Variants in SOX5 observed in about 807,000 individuals in gnomAD.
SOX5 encodes transcription factor SOX-5.
SOX5 carries 9 observed loss-of-function variants against 92.0 expected under a neutral mutation model. The observed-to-expected ratio is 0.10, with a 90% CI of 0.06 to 0.17. SOX5 has a LOEUF of 0.17. Ranked by LOEUF, SOX5 falls within the 10% of genes least tolerant of loss-of-function variation. The pLI is 1.00. For missense variants in SOX5, 642 were observed against 944.5 expected (o/e 0.68, Z 4.20); for synonymous variants, 344 against 336.3 (o/e 1.02, Z -0.25).
At chr12:24,469,408 G>A (rs1419006102) in intron 1 of SOX5, among the ~76,000 whole-genome samples, 2 of 152,104 alleles carry the variant, frequency 1.3e-5, no homozygotes, top group African/African-American at 4.8e-5. Context: ...CTTGGTTCCT[G>A]ATTCATATTT....
intron 1 of SOX5, among the ~76,000 whole-genome samples, chr12:24,548,604 G>T (rs529332718): frequency 2.6e-4 from 39 of 152,272 alleles, no homozygotes; most frequent in Non-Finnish European, 4.6e-4. Flanking sequence ...GTGAAACATG[G>T]AAACACTGGG....
At chr12:23,899,519 G>T (rs760158721) in intron 1 of SOX5, among the ~76,000 whole-genome samples, 85 of 152,232 alleles carry the variant, frequency 5.6e-4, no homozygotes, top group Admixed American at 9.2e-4. Flanking sequence ...GAGCATCTAG[G>T]CTGGCGTATG....
At chr12:24,530,908 T>C (rs1166404449) in intron 1 of SOX5, among the ~76,000 whole-genome samples, 1 of 151,648 alleles carries the variant, frequency 6.6e-6, no homozygotes, top group Admixed American at 6.6e-5. Context: ...GACACAGTGA[T>C]AGCTGAGATC....
intron 2 of SOX5, among the ~76,000 whole-genome samples, chr12:23,856,364 T>C (rs549228310): frequency 6.6e-6 from 1 of 152,306 alleles, no homozygotes; most frequent in East Asian, 1.9e-4. Flanking sequence ...ACACAAAATC[T>C]GTTTATTCAC....
intron 4 of SOX5, among the ~76,000 whole-genome samples, chr12:24,001,717 T>C (rs1157752590): frequency 6.6e-6 from 1 of 152,172 alleles, no homozygotes; most frequent in Non-Finnish European, 1.5e-5. Flanking sequence ...TATTTGTGTA[T>C]TTGTGTGTTT....
intron 1 of SOX5, among the ~76,000 whole-genome samples, chr12:24,489,885 G>T (rs549156241): frequency 6.4e-4 from 97 of 152,284 alleles, no homozygotes; most frequent in Middle Eastern, 3.4e-3. Flanking sequence ...CTAACTACAC[G>T]TTGGGATTCC....
At chr12:24,091,235 C>T (rs150501568) in intron 4 of SOX5, among the ~76,000 whole-genome samples, 24 of 151,996 alleles carry the variant, frequency 1.6e-4, no homozygotes, top group East Asian at 7.8e-4. Flanking sequence ...AAGCTGAACA[C>T]GCAATAAAGG....
At chr12:24,022,019 TACTATGTGTCGGGC>T (rs1431561695) in intron 4 of SOX5, among the ~76,000 whole-genome samples, 2 of 152,198 alleles carry the variant, frequency 1.3e-5, no homozygotes, top group Non-Finnish European at 2.9e-5. Context: ...ATTGAGTGCC[TACTATGTGTCGGGC>T]ACTATGCTAG....
intron 1 of SOX5, among the ~76,000 whole-genome samples, chr12:24,435,673 T>A (rs1367359123): frequency 6.6e-6 from 1 of 152,224 alleles, no homozygotes; most frequent in Non-Finnish European, 1.5e-5. Flanking sequence ...GACAAGTGAA[T>A]GAGAAGATCA....
chr12:24,484,962 G>A lies in SOX5; in HGVS notation c.-251+77367C>T, dbSNP rs776955751. Among the ~76,000 whole-genome samples the A allele has an allele frequency of 1.6e-4, 24 of 152,186 alleles. 1 individual carries two copies. Among genetic ancestry groups the A allele is most frequent in the Non-Finnish European group, 8.8e-5 (6 of 68,000 alleles). ...AAATAAATACTTTTGTATTCAGAGC[G>A]GTCAGAAACTCTGAGGGCTAGAAAG... is the stretch of plus-strand genomic sequence containing the variant. On this transcript the variant is annotated intron_variant, in intron 1 of 4. Coordinates refer to the SOX5 transcript ENST00000446891.
intron 6 of SOX5, among the ~76,000 whole-genome samples, chr12:23,678,258 A>G (rs1348786121): frequency 6.6e-6 from 1 of 152,132 alleles, no homozygotes; most frequent in African/African-American, 2.4e-5. Flanking sequence ...TATACCCAAT[A>G]ATAAAGAATA....
chr12:23,726,151 G>C (rs1254123246), intron 6 of SOX5, among the ~76,000 whole-genome samples: 10 of 43,200 alleles, frequency 2.3e-4, no homozygotes, highest in Non-Finnish European at 3.0e-4. Flanking sequence ...GAGAGAGAGA[G>C]AGAGAGAGAG....
intron 4 of SOX5, among the ~76,000 whole-genome samples, chr12:24,030,592 A>G (rs972353922): frequency 1.2e-4 from 18 of 151,958 alleles, no homozygotes; most frequent in African/African-American, 4.3e-4. Context: ...GCAAACCTAC[A>G]AGAAGAAAAC....
intron 7 of SOX5, among the ~76,000 whole-genome samples, chr12:23,641,718 C>A (rs1347303585): frequency 1.3e-5 from 2 of 152,006 alleles, no homozygotes; most frequent in African/African-American, 2.4e-5. Flanking sequence ...TTGCATAGGG[C>A]CCAATAAATT....
At chr12:24,048,449 CAT>C (rs1435249507) in intron 4 of SOX5, among the ~76,000 whole-genome samples, 4 of 152,108 alleles carry the variant, frequency 2.6e-5, no homozygotes, top group African/African-American at 9.7e-5. Flanking sequence ...AAATATTAAA[CAT>C]AGAGCTACTA....
intron 3 of SOX5, among the ~76,000 whole-genome samples, chr12:23,777,905 C>T (rs1163766992): frequency 6.6e-6 from 1 of 152,200 alleles, no homozygotes; most frequent in Non-Finnish European, 1.5e-5. Flanking sequence ...TCAGTTCTAG[C>T]ATGGCTCTCA....
chr12:24,248,294 C>A (rs1939298517), intron 3 of SOX5, among the ~76,000 whole-genome samples: 1 of 152,196 alleles, frequency 6.6e-6, no homozygotes, highest in South Asian at 2.1e-4. Context: ...CCACCACACT[C>A]AGAGAGCCAA....
chr12:24,413,340 AATATT>A (rs1449902716), intron 1 of SOX5, among the ~76,000 whole-genome samples: 1 of 152,218 alleles, frequency 6.6e-6, no homozygotes, highest in Non-Finnish European at 1.5e-5. Context: ...TGCTCAAAAG[AATATT>A]ATATCTGATA....
At chr12:24,385,346 T>C (rs542567095) in intron 1 of SOX5, among the ~76,000 whole-genome samples, 2 of 152,354 alleles carry the variant, frequency 1.3e-5, no homozygotes, top group Non-Finnish European at 1.5e-5. Context: ...TGTAGGTTAA[T>C]GTAAGTTTTC....
Sources: gnomAD v4.1 joint callset for allele counts (sites outside exome capture counted in the v4.1 genomes callset) on GRCh38, gnomAD v4.1.1 for gene constraint, MANE v1.5 for transcripts, NCBI Gene and HGNC (gene_info 2026-07-23, HGNC 2026-07-21) for gene names.